Variants in TARS3 observed in about 807,000 individuals in gnomAD.
TARS3 encodes the protein threonyl-tRNA synthetase 3.
Under a neutral mutation model 103.5 loss-of-function variants are expected in TARS3, and 94 were observed. The observed-to-expected ratio is 0.91, with a 90% CI of 0.77 to 1.08. The LOEUF is 1.08. TARS3 is among the 50% of genes least tolerant of loss of function. The pLI is 0.00. For missense variants in TARS3, 952 were observed against 995.2 expected, an observed-to-expected ratio of 0.96 and a Z score of 0.58; for synonymous variants, 416 against 355.4, an observed-to-expected ratio of 1.17 and a Z score of -1.92.
chr15:101,710,551 A>C (rs1202718254), intron 5 of TARS3, among the ~76,000 whole-genome samples: 1 of 152,202 alleles, frequency 6.6e-6, no homozygotes, highest in Non-Finnish European at 1.5e-5. Context: ...TAGACACCTC[A>C]TTGGTGTCCA....
chr15:101,662,411 C>A (rs888270353), intron 15 of TARS3, among the ~76,000 whole-genome samples: 8 of 152,248 alleles, frequency 5.3e-5, no homozygotes, highest in African/African-American at 1.9e-4. Context: ...TTACAAAGTT[C>A]TTTTGATAAA....
intron 1 of TARS3, 123 bp from the exon 2 acceptor site, chr15:101,723,287 G>GAC (rs2141464402): frequency 2.6e-6 from 2 of 766,912 alleles, no homozygotes; most frequent in Non-Finnish European, 4.5e-6. Flanking sequence ...GGGCTCTCCT[G>GAC]ACCACCAGCT....
intron 10 of TARS3, among the ~76,000 whole-genome samples, chr15:101,699,093 C>G (rs1443686416): frequency 6.6e-6 from 1 of 152,122 alleles, no homozygotes; most frequent in Non-Finnish European, 1.5e-5. Flanking sequence ...GCCTCTACAC[C>G]TAAATTACAT....
chr15:101,689,499 T>C (rs35142791), intron 10 of TARS3, among the ~76,000 whole-genome samples: 47,044 of 152,022 alleles, frequency 0.31, 8,062 homozygotes, highest in East Asian at 0.69. Context: ...TAATACTATA[T>C]GGCTGGTCTC....
intron 3 of TARS3, among the ~76,000 whole-genome samples, chr15:101,719,349 T>C (rs1183111621): frequency 6.6e-6 from 1 of 152,228 alleles, no homozygotes. Context: ...GTTCTGTACA[T>C]CACTCAGAAA....
At chr15:101,697,258 T>C (rs988432544) in intron 10 of TARS3, among the ~76,000 whole-genome samples, 6 of 152,162 alleles carry the variant, frequency 3.9e-5, no homozygotes, top group Non-Finnish European at 7.3e-5. Flanking sequence ...GATTCTTCAG[T>C]TGACATAACA....
chr15:101,659,075 G>A (rs1897284234), intron 16 of TARS3, among the ~76,000 whole-genome samples: 1 of 152,218 alleles, frequency 6.6e-6, no homozygotes, highest in African/African-American at 2.4e-5. Flanking sequence ...ACAGGCGTGA[G>A]CCACCACATC....
chr15:101,662,897 G>C (rs1897436481), intron 15 of TARS3, among the ~76,000 whole-genome samples: 1 of 152,192 alleles, frequency 6.6e-6, no homozygotes, highest in East Asian at 1.9e-4. Context: ...TGTGCTATCA[G>C]ATAAACATTG....
chr15:101,712,505 A>C (rs936609855), intron 4 of TARS3, among the ~76,000 whole-genome samples: 1 of 152,192 alleles, frequency 6.6e-6, no homozygotes, highest in African/African-American at 2.4e-5. Flanking sequence ...CGTGTGTTGA[A>C]TAGCATGTGA....
chr15:101,665,579 G>A (rs1304762084), intron 15 of TARS3, among the ~76,000 whole-genome samples: 1 of 152,156 alleles, frequency 6.6e-6, no homozygotes, highest in Non-Finnish European at 1.5e-5. Context: ...ACTCAAATTT[G>A]TTCAACACTC....
At chr15:101,654,870 T>C (rs961614778) in intron 18 of TARS3, 140 bp from the exon 19 acceptor site, 11 of 819,340 alleles carry the variant, frequency 1.3e-5, no homozygotes, top group Admixed American at 1.1e-4. Flanking sequence ...GTTCATCCTC[T>C]GATAGTTAAG....
Position 101,654,424 on chromosome 15 carries a change from G to A in TARS3, c.*158C>T, listed in dbSNP as rs931051527. The A allele has an allele frequency of 8.1e-6, 6 of 736,528 alleles. No homozygotes were observed. The Middle Eastern group carries it at 1.1e-3, about 139-fold the overall frequency. The allele number at this position is 736,528 out of a possible 1,614,324, so 45.6% of individuals were successfully genotyped here. On this transcript the variant is annotated 3_prime_UTR_variant, in exon 19 of 19. Coordinates refer to ENST00000335968, the MANE Select transcript of TARS3 (RefSeq NM_152334.3). ...CGTGGACATGAGTAAATTAAACTTC[G>A]TGCATGTCAGCTACACGTTCATCGT...
At chr15:101,655,802 T>C in intron 18 of TARS3, 1 of 1,209,602 alleles carries the variant, frequency 8.3e-7, no homozygotes, top group East Asian at 5.7e-5. Context: ...TGACCCCACC[T>C]GGCACTAGGG....
intron 6 of TARS3, 68 bp downstream of exon 6, chr15:101,708,725 G>C: frequency 9.6e-7 from 1 of 1,038,030 alleles, no homozygotes. Context: ...TTGGGGGAAG[G>C]TGGGGAAGCT....
intron 1 of TARS3, 96 bp downstream of exon 1, chr15:101,723,994 GC>G (rs1900629133): frequency 2.6e-6 from 3 of 1,160,984 alleles, no homozygotes; most frequent in East Asian, 3.2e-5. Flanking sequence ...CCCCCGGGGC[GC>G]CCCCGCACCT....
chr15:101,677,632 G>T (rs1179966700), intron 12 of TARS3, among the ~76,000 whole-genome samples: 1 of 152,096 alleles, frequency 6.6e-6, no homozygotes, highest in East Asian at 1.9e-4. Context: ...CTGAGTAGCT[G>T]GGATTACAGG....
At position 101,656,955 on chromosome 15, in the gene TARS3, T is replaced by G. The variant is rs145454914; in HGVS notation, c.2227A>C (p.Asn743His). The G allele has an allele frequency of 4.2e-5, 67 of 1,613,258 alleles. No individual in the cohort carries two copies. The African/African-American group carries it at 7.3e-4, about 18-fold the overall frequency. ...AAATTATACTGAGCCAGCTGTGCAT[T>G]TCGTATTTTCTTATTTAGTGTACAA... is the stretch of plus-strand genomic sequence containing the variant. The part of the protein sequence containing the change: ...HSCTLNKKIR[N>H]AQLAQYNFIL... The change falls in exon 18 of 19, where the codon AAT becomes CAT. Residue 743 changes from asparagine to histidine, a missense_variant. Coordinates refer to ENST00000335968, the MANE Select transcript of TARS3 (RefSeq NM_152334.3).
intron 12 of TARS3, among the ~76,000 whole-genome samples, chr15:101,679,907 C>T (rs1272494588): frequency 6.6e-6 from 1 of 152,176 alleles, no homozygotes; most frequent in Non-Finnish European, 1.5e-5. Flanking sequence ...GTTCTAGCCC[C>T]CCTCCATGGC....
At chr15:101,674,954 G>C (rs1897962705) in intron 13 of TARS3, among the ~76,000 whole-genome samples, 1 of 152,174 alleles carries the variant, frequency 6.6e-6, no homozygotes, top group African/African-American at 2.4e-5. Context: ...CCATGGATAA[G>C]TGGGGACTAT....
Sources: allele counts gnomAD v4.1 joint callset (sites outside exome capture counted in the v4.1 genomes callset), GRCh38; gene constraint gnomAD v4.1.1; transcripts MANE v1.5; gene names NCBI Gene and HGNC (gene_info 2026-07-23, HGNC 2026-07-21).